The following SSPN variants were observed in gnomAD, a reference collection of about 807,000 sequenced individuals.
SSPN encodes K-ras oncogene-associated protein.
A neutral mutation model predicts 19.1 loss-of-function variants in SSPN; 15 were observed. That is an observed-to-expected ratio of 0.78 (90% confidence interval 0.52 to 1.21). The LOEUF (loss-of-function observed/expected upper bound fraction) is 1.21, where lower values mean the gene tolerates loss of function less well. Ranked by LOEUF, SSPN falls within the 50% of genes most tolerant of loss-of-function variation. The pLI is 0.00. For missense variants in SSPN, 291 were observed against 314.0 expected, an observed-to-expected ratio of 0.93 and a Z score of 0.55; for synonymous variants, 147 against 140.3, an observed-to-expected ratio of 1.05 and a Z score of -0.34.
chr12:26,173,342 CT>C (rs1255661859), intron 1 of SSPN, among the ~76,000 whole-genome samples: 1 of 152,176 alleles, frequency 6.6e-6, no homozygotes, highest in African/African-American at 2.4e-5. Flanking sequence ...CTAAATAGAT[CT>C]CTAATGAAGT....
At chr12:26,127,011 CA>C (rs1306420358) in intron 1 of SSPN, among the ~76,000 whole-genome samples, 1 of 152,146 alleles carries the variant, frequency 6.6e-6, no homozygotes, top group Non-Finnish European at 1.5e-5. Flanking sequence ...CCTATTCCTG[CA>C]GTACTGTATC....
intron 1 of SSPN, among the ~76,000 whole-genome samples, chr12:26,152,097 A>G (rs1468533688): frequency 6.6e-6 from 1 of 152,150 alleles, no homozygotes; most frequent in Non-Finnish European, 1.5e-5. Context: ...TTCCCTCATC[A>G]TTTTCTTCAT....
At chr12:26,123,474 G>A (rs1032656375) in intron 1 of SSPN, among the ~76,000 whole-genome samples, 3 of 152,136 alleles carry the variant, frequency 2.0e-5, no homozygotes, top group Non-Finnish European at 2.9e-5. Context: ...AAATGGGCTC[G>A]TTCCAATGAA....
intron 1 of SSPN, 148 bp downstream of exon 1, chr12:26,196,099 C>G: frequency 5.7e-6 from 4 of 706,976 alleles, no homozygotes; most frequent in Non-Finnish European, 8.5e-6. Flanking sequence ...ATGCGTGGGG[C>G]ACTGGGTTTT....
At position 26,230,885 on chromosome 12, in the gene SSPN, G is replaced by A. The variant is rs1474220170; in HGVS notation, c.541G>A (p.Val181Met). Residue 181 changes from valine (V) to methionine (M), a missense_variant, in exon 3 of 3, where the codon GTG (valine) becomes ATG (methionine). This residue lies in a region of SSPN where 141 missense variants were observed against 166.7 expected (regional missense o/e 0.85). Coordinates refer to ENST00000242729, the MANE Select transcript of SSPN (RefSeq NM_005086.5). ...CAGCAGGACCTTTGTTTACCGGGAT[G>A]TGACGGACTGTACCAGCGTCACTGG... ...PLSRTFVYRD[V>M]TDCTSVTGTF... is the part of the protein sequence containing the mutation. 6.2e-7 allele frequency: 1 copy of A among 1,614,074 alleles called. No individual in the cohort carries two copies. The highest frequency in any genetic ancestry group is 1.3e-5 in the African/African-American group (1 of 74,934).
intron 1 of SSPN, among the ~76,000 whole-genome samples, chr12:26,207,126 T>C (rs188435433): frequency 4.6e-5 from 7 of 152,346 alleles, no homozygotes; most frequent in Admixed American, 3.3e-4. Flanking sequence ...ATTTGAGGAA[T>C]GACTCCAGCT....
chr12:26,144,858 G>T (rs1328584478), intron 1 of SSPN, among the ~76,000 whole-genome samples: 1 of 152,192 alleles, frequency 6.6e-6, no homozygotes, highest in Admixed American at 6.5e-5. Context: ...ATTATTCGTA[G>T]TCTAAATTCA....
At chr12:26,190,989 T>C (rs554760776), upstream of SSPN, among the ~76,000 whole-genome samples, 2 of 152,238 alleles carry the variant, frequency 1.3e-5, no homozygotes, top group Non-Finnish European at 2.9e-5. Flanking sequence ...AAAACTTTTA[T>C]ACAAATGGAA....
intron 1 of SSPN, among the ~76,000 whole-genome samples, chr12:26,131,557 A>G (rs1041471960): frequency 2.0e-5 from 3 of 152,198 alleles, no homozygotes; most frequent in Non-Finnish European, 2.9e-5. Flanking sequence ...GTAGCATACA[A>G]TTGCTTTAGG....
intron 1 of SSPN, among the ~76,000 whole-genome samples, chr12:26,204,872 C>G (rs1944917699): frequency 6.6e-6 from 1 of 152,210 alleles, no homozygotes; most frequent in South Asian, 2.1e-4. Flanking sequence ...GGTCCAATCT[C>G]AGTTCCAAAA....
intron 1 of SSPN, among the ~76,000 whole-genome samples, chr12:26,130,347 C>T (rs1476118008): frequency 1.3e-5 from 2 of 152,152 alleles, no homozygotes; most frequent in African/African-American, 2.4e-5. Context: ...GGGCTTCATA[C>T]GGTCCTTACA....
At chr12:26,152,540 C>T (rs1944531941) in intron 1 of SSPN, among the ~76,000 whole-genome samples, 1 of 152,072 alleles carries the variant, frequency 6.6e-6, no homozygotes, top group African/African-American at 2.4e-5. Flanking sequence ...TCTCTCTTTC[C>T]CTTATCACTG....
intron 1 of SSPN, among the ~76,000 whole-genome samples, chr12:26,177,022 G>A (rs1944688276): frequency 6.6e-6 from 1 of 152,138 alleles, no homozygotes; most frequent in African/African-American, 2.4e-5. Context: ...ACTTTGCAAG[G>A]TTTTCCTTGT....
intron 1 of SSPN, among the ~76,000 whole-genome samples, chr12:26,132,545 A>G (rs1407734396): frequency 6.6e-6 from 1 of 152,178 alleles, no homozygotes; most frequent in East Asian, 1.9e-4. Flanking sequence ...GTCTGTGGGT[A>G]AGGCTTGTCC....
At chr12:26,175,001 G>T (rs73084782) in intron 1 of SSPN, among the ~76,000 whole-genome samples, 20,316 of 152,192 alleles carry the variant, frequency 0.13, 1,387 homozygotes, top group South Asian at 0.19. Flanking sequence ...CCATGTTAGG[G>T]ATATTACAAA....
Position 26,231,890 on chromosome 12 carries a change from G to A in SSPN, c.*814G>A. ...TAATTGTTAATTATAATTATGCTCA[G>A]AAGTCTATTTAATGAGCTCTGACTG... is the stretch of plus-strand genomic sequence containing the variant. On this transcript the variant is annotated 3_prime_UTR_variant, in exon 3 of 3. Transcript: ENST00000242729. The A allele has an allele frequency of 1.1e-6, 1 of 943,110 alleles. No individual in the cohort carries two copies. The highest frequency in any genetic ancestry group is 1.3e-6 in the Non-Finnish European group (1 of 791,374). The allele number at this position is 943,110 out of a possible 1,614,324, so 58.4% of individuals were successfully genotyped here. A position where few individuals can be genotyped will look rare whatever the true frequency, so the allele number is the denominator to read the frequency against.
intron 1 of SSPN, among the ~76,000 whole-genome samples, chr12:26,218,574 C>T (rs959518909): frequency 1.3e-5 from 2 of 151,880 alleles, no homozygotes; most frequent in African/African-American, 4.8e-5. Flanking sequence ...AATATTTACC[C>T]ACCTTTTCAA....
chr12:26,193,367 AT>A (rs1183202710), upstream of SSPN, among the ~76,000 whole-genome samples: 1 of 152,156 alleles, frequency 6.6e-6, no homozygotes, highest in East Asian at 1.9e-4. Flanking sequence ...TGATACTCAA[AT>A]TTTTTCATCT....
intron 1 of SSPN, among the ~76,000 whole-genome samples, chr12:26,214,524 G>A (rs1460898385): frequency 1.3e-5 from 2 of 152,192 alleles, no homozygotes; most frequent in Non-Finnish European, 2.9e-5. Context: ...AAACAGCTTT[G>A]TCCAAGATCA....
Sources: gnomAD v4.1 joint callset for allele counts (sites outside exome capture counted in the v4.1 genomes callset) on GRCh38, gnomAD v4.1.1 for gene constraint, gnomAD v4.1.1 regional missense constraint, MANE v1.5 for transcripts, NCBI Gene and HGNC (gene_info 2026-07-23, HGNC 2026-07-21) for gene names.